GALNT13: variants seen among roughly 807,000 people sequenced by gnomAD.
GALNT13 encodes the protein polypeptide N-acetylgalactosaminyltransferase 13.
GALNT13 carries 28 observed loss-of-function variants against 64.2 expected under a neutral mutation model. The ratio of observed to expected loss-of-function variants is 0.44; its 90% confidence interval spans 0.32 to 0.60. The LOEUF is 0.60. GALNT13 is among the 20% of genes least tolerant of loss of function. GALNT13 has a pLI of 0.05. For synonymous variants in GALNT13, 214 were observed against 224.6 expected (o/e 0.95, Z 0.42); for missense variants, 577 against 669.8 (o/e 0.86, Z 1.53).
At chr2:153,886,731 C>T (rs1361584222) in intron 1 of GALNT13, among the ~76,000 whole-genome samples, 2 of 151,962 alleles carry the variant, frequency 1.3e-5, no homozygotes, top group Non-Finnish European at 2.9e-5. Flanking sequence ...AACTTGTGGG[C>T]AGTTAGAGCT....
chr2:153,762,948 C>T, the GALNT13 span, among the ~76,000 whole-genome samples: 2 of 151,750 alleles, frequency 1.3e-5, no homozygotes, highest in Non-Finnish European at 2.9e-5. Context: ...ATAAAACATA[C>T]TTATAACAAA....
chr2:153,575,258 G>C, the GALNT13 span, among the ~76,000 whole-genome samples: 1 of 152,160 alleles, frequency 6.6e-6, no homozygotes, highest in African/African-American at 2.4e-5. Flanking sequence ...TAAAGCTGCA[G>C]GTGAAATGGC....
At chr2:154,020,526 C>T (rs1025850169) in intron 3 of GALNT13, among the ~76,000 whole-genome samples, 37 of 152,156 alleles carry the variant, frequency 2.4e-4, no homozygotes, top group East Asian at 7.7e-4. Flanking sequence ...TCATATCTTT[C>T]GCCCACTTTT....
chr2:153,743,059 A>G, the GALNT13 span, among the ~76,000 whole-genome samples: 1 of 53,160 alleles, frequency 1.9e-5, no homozygotes, highest in Non-Finnish European at 3.3e-5. Flanking sequence ...GGGAGGGGAA[A>G]GGAGAGGGAG....
intron 4 of GALNT13, among the ~76,000 whole-genome samples, chr2:154,227,089 A>G (rs1294647468): frequency 3.9e-5 from 6 of 152,060 alleles, no homozygotes; most frequent in Admixed American, 3.9e-4. Flanking sequence ...AGAACATATC[A>G]TCTCTCGTAG....
At chr2:154,358,194 T>C (rs565999385) in intron 9 of GALNT13, among the ~76,000 whole-genome samples, 1 of 152,296 alleles carries the variant, frequency 6.6e-6, no homozygotes, top group South Asian at 2.1e-4. Context: ...GCAAGTTCTC[T>C]TACCATGGAA....
At chr2:153,223,610 A>G in the GALNT13 span, among the ~76,000 whole-genome samples, 2 of 152,204 alleles carry the variant, frequency 1.3e-5, no homozygotes, top group Admixed American at 6.5e-5. Flanking sequence ...CTCAAAAGAA[A>G]TTAAAAAAAT....
chr2:154,345,160 A>T (rs1169365076), intron 9 of GALNT13, among the ~76,000 whole-genome samples: 5 of 151,938 alleles, frequency 3.3e-5, no homozygotes, highest in Admixed American at 6.6e-5. Flanking sequence ...TAAGTGCTTC[A>T]CTCCTAAAGA....
At chr2:154,238,456 CA>C (rs1277429522) in intron 4 of GALNT13, among the ~76,000 whole-genome samples, 1 of 151,990 alleles carries the variant, frequency 6.6e-6, no homozygotes, top group Admixed American at 6.6e-5. Context: ...AATTTGACCA[CA>C]TTTTTTTCTT....
At chr2:153,605,235 G>A in the GALNT13 span, among the ~76,000 whole-genome samples, 1 of 152,078 alleles carries the variant, frequency 6.6e-6, no homozygotes, top group East Asian at 1.9e-4. Flanking sequence ...TCAGTAGCAA[G>A]TAATAGATAG....
At chr2:153,630,814 T>TATTTA in the GALNT13 span, among the ~76,000 whole-genome samples, 1 of 61,114 alleles carries the variant, frequency 1.6e-5, no homozygotes, top group Non-Finnish European at 3.8e-5. Flanking sequence ...TATATTTTTT[T>TATTTA]TTTTTTTTTT....
the GALNT13 span, among the ~76,000 whole-genome samples, chr2:153,567,769 G>C: frequency 6.6e-6 from 1 of 150,486 alleles, no homozygotes. Flanking sequence ...TATGAAAACA[G>C]GTTATGTACA....
rs140986294 is a variant in GALNT13, at chr2:154,004,641, C to T, written c.142+60002C>T. 5.4e-3 allele frequency among the ~76,000 whole-genome samples: 828 copies of T among 152,282 alleles called. 1 individual carries two copies. The highest frequency in any genetic ancestry group is 8.1e-3 in the Non-Finnish European group (550 of 68,028). On this transcript the variant is annotated intron_variant, in intron 3 of 12. Transcript: ENST00000392825. ...TTTGATCGACAGCTAGTATCTCAGT[C>T]GTACCATAGATCAGTTCTCATTTCT...
At chr2:153,365,990 C>T in the GALNT13 span, among the ~76,000 whole-genome samples, 1 of 152,084 alleles carries the variant, frequency 6.6e-6, no homozygotes, top group Non-Finnish European at 1.5e-5. Context: ...TGGAACTAAC[C>T]CAAATGTCCA....
chr2:153,673,141 T>C, the GALNT13 span, among the ~76,000 whole-genome samples: 1 of 152,322 alleles, frequency 6.6e-6, no homozygotes, highest in Non-Finnish European at 1.5e-5. Context: ...AAAGATGAGC[T>C]GGTACCATTC....
chr2:153,148,538 G>C, the GALNT13 span, among the ~76,000 whole-genome samples: 6 of 148,598 alleles, frequency 4.0e-5, no homozygotes, highest in Non-Finnish European at 8.9e-5. Context: ...TTGGAAGATA[G>C]AACGCAAGAC....
chr2:154,314,090 T>C (rs1230062795), intron 9 of GALNT13, among the ~76,000 whole-genome samples: 1 of 152,188 alleles, frequency 6.6e-6, no homozygotes, highest in African/African-American at 2.4e-5. Context: ...GAGTTTTTGT[T>C]TGATGTAGGA....
the GALNT13 span, among the ~76,000 whole-genome samples, chr2:153,177,043 G>C: frequency 6.6e-6 from 1 of 151,978 alleles, no homozygotes; most frequent in South Asian, 2.1e-4. Context: ...TGAGGCACCG[G>C]GGTACAAGAA....
chr2:153,082,215 A>T, the GALNT13 span, among the ~76,000 whole-genome samples: 1 of 152,042 alleles, frequency 6.6e-6, no homozygotes, highest in East Asian at 1.9e-4. Context: ...TACATGGATA[A>T]GTTCTTTAGT....
Sources: allele counts gnomAD v4.1 joint callset (sites outside exome capture counted in the v4.1 genomes callset), GRCh38; gene constraint gnomAD v4.1.1; transcripts MANE v1.5; gene names NCBI Gene and HGNC (gene_info 2026-07-23, HGNC 2026-07-21).